Variants in MOBP observed in about 807,000 individuals in gnomAD.
The protein encoded by MOBP is myelin associated oligodendrocyte basic protein.
Under a neutral mutation model 15.0 loss-of-function variants are expected in MOBP, and 5 were observed. That is an observed-to-expected ratio of 0.33 (90% CI 0.17 to 0.70). The LOEUF (loss-of-function observed/expected upper bound fraction) is 0.70. MOBP is among the 30% of genes least tolerant of loss of function. The pLI is 0.67. For synonymous variants in MOBP, 88 were observed against 99.0 expected (o/e 0.89, Z 0.66); for missense variants, 188 against 257.8 (o/e 0.73, Z 1.85).
chr3:39,495,930 T>C (rs1300687016), intron 2 of MOBP, among the ~76,000 whole-genome samples: 1 of 151,680 alleles, frequency 6.6e-6, no homozygotes, highest in Admixed American at 6.6e-5. Context: ...GATACAAATA[T>C]AGAATATAAA....
rs554606983 is a variant in MOBP at position 39,488,353 on chromosome 3, C to A, written c.-5+8230C>A. 2.2e-4 allele frequency among the ~76,000 whole-genome samples: 33 copies of A among 152,280 alleles called. No individual in the cohort carries two copies. The South Asian group carries it at 6.6e-3, about 31-fold the overall frequency. ...CATGTCTAAGATTGAACTCTTGATT[C>A]TTTTCTTCCCCATCCCTAAACCATT... is the stretch of plus-strand genomic sequence containing the variant. On this transcript the variant is annotated intron_variant, in intron 2 of 3. Transcript: ENST00000684792.
intron 1 of MOBP, among the ~76,000 whole-genome samples, chr3:39,478,114 G>A (rs1192846721): frequency 6.6e-6 from 1 of 152,052 alleles, no homozygotes; most frequent in East Asian, 1.9e-4. Flanking sequence ...TAATGTCCTA[G>A]GCCTTCACAT....
chr3:39,478,534 C>A (rs1277084543), intron 1 of MOBP, among the ~76,000 whole-genome samples: 1 of 152,196 alleles, frequency 6.6e-6, no homozygotes, highest in Non-Finnish European at 1.5e-5. Flanking sequence ...TCCACCCTTC[C>A]AGATTCCCAC....
chr3:39,521,306 A>T (rs899749511), intron 3 of MOBP, among the ~76,000 whole-genome samples: 3 of 152,180 alleles, frequency 2.0e-5, no homozygotes, highest in African/African-American at 7.2e-5. Context: ...CTAATTTAGA[A>T]CAATGTTATA....
intron 2 of MOBP, among the ~76,000 whole-genome samples, chr3:39,490,832 G>A (rs2042784149): frequency 1.3e-5 from 2 of 152,150 alleles, no homozygotes; most frequent in African/African-American, 4.8e-5. Context: ...CAAAGTGCTG[G>A]GATTACAGGT....
At chr3:39,505,373 CTA>C (rs1444777995), downstream of MOBP, among the ~76,000 whole-genome samples, 5 of 152,170 alleles carry the variant, frequency 3.3e-5, no homozygotes, top group African/African-American at 9.7e-5. Context: ...GCCTGGAAGA[CTA>C]TGATTTTCCA....
At chr3:39,522,802 A>G (rs1407643645) in intron 3 of MOBP, among the ~76,000 whole-genome samples, 1 of 152,216 alleles carries the variant, frequency 6.6e-6, no homozygotes, top group Non-Finnish European at 1.5e-5. Flanking sequence ...TAAAACTTTC[A>G]GGTTGGTTTT....
At chr3:39,499,622 G>C (rs1251901752) in intron 2 of MOBP, 1 of 157,708 alleles carries the variant, frequency 6.3e-6, no homozygotes, top group Non-Finnish European at 1.4e-5. Flanking sequence ...TAGAATGCCT[G>C]TTTCTTCATG....
At chr3:39,479,005 T>G (rs546961924) in intron 1 of MOBP, among the ~76,000 whole-genome samples, 1 of 152,062 alleles carries the variant, frequency 6.6e-6, no homozygotes, top group Non-Finnish European at 1.5e-5. Flanking sequence ...AATTTTTGTA[T>G]TTTTAGTAGA....
intron 1 of MOBP, among the ~76,000 whole-genome samples, chr3:39,471,631 C>T (rs937685971): frequency 6.6e-6 from 1 of 152,138 alleles, no homozygotes. Flanking sequence ...GTCTCCATTC[C>T]AAGTTCTTTT....
At chr3:39,518,133 T>C (rs1394036783), downstream of MOBP, among the ~76,000 whole-genome samples, 2 of 152,222 alleles carry the variant, frequency 1.3e-5, no homozygotes, top group Admixed American at 6.5e-5. Flanking sequence ...ATATGCACTC[T>C]CTTAAGAGTC....
intron 2 of MOBP, among the ~76,000 whole-genome samples, chr3:39,481,974 A>G (rs918642638): frequency 4.6e-5 from 7 of 152,094 alleles, no homozygotes; most frequent in East Asian, 1.9e-4. Flanking sequence ...CATGGCTTCA[A>G]TTGCTACCTA....
intron 4 of MOBP, among the ~76,000 whole-genome samples, chr3:39,512,285 G>T (rs3821373): frequency 5.9e-5 from 9 of 152,150 alleles, no homozygotes; most frequent in South Asian, 2.1e-4. Context: ...GTGATGCCTG[G>T]GATCTGTGGG....
At chr3:39,504,383 G>A (rs891383762), downstream of MOBP, among the ~76,000 whole-genome samples, 1 of 152,226 alleles carries the variant, frequency 6.6e-6, no homozygotes, top group Admixed American at 6.5e-5. Flanking sequence ...ACATGGAAAG[G>A]AGTTAGAAGA....
intron 1 of MOBP, among the ~76,000 whole-genome samples, chr3:39,468,837 A>G (rs377364717): frequency 2.0e-4 from 17 of 84,710 alleles, no homozygotes; most frequent in African/African-American, 1.2e-3. Context: ...ATATGTGTGT[A>G]TATATACATA....
Position 39,469,190 on chromosome 3 carries a change from G to GTATA in MOBP, c.-89+1453_-89+1456dup, listed in dbSNP as rs1244398173. 6.7e-5 allele frequency among the ~76,000 whole-genome samples: 4 copies of GTATA among 60,100 alleles called. 1 individual carries two copies. The highest frequency in any genetic ancestry group is 3.6e-4 in the African/African-American group (2 of 5,622). 39.4% of individuals were successfully genotyped at this position (60,100 alleles called of 152,430 possible). ...TATACATATATACATGTGTGTGTGT[G>GTATA]TATATACATATATACATGTGTGTGT... On this transcript the variant is annotated intron_variant, in intron 1 of 3. Coordinates refer to ENST00000684792, the MANE Select transcript of MOBP (RefSeq NM_001393704.1).
intron 2 of MOBP, among the ~76,000 whole-genome samples, chr3:39,497,431 TC>T (rs1175585165): frequency 1.3e-5 from 2 of 152,200 alleles, no homozygotes; most frequent in Non-Finnish European, 2.9e-5. Flanking sequence ...CCATCTCTAG[TC>T]CTCTGAAGTC....
At chr3:39,469,882 T>A (rs1415550407) in intron 1 of MOBP, among the ~76,000 whole-genome samples, 1 of 152,196 alleles carries the variant, frequency 6.6e-6, no homozygotes, top group African/African-American at 2.4e-5. Flanking sequence ...TTCCAAGGAA[T>A]CACCAAAAGT....
chr3:39,492,726 T>C (rs1010617998), intron 2 of MOBP, among the ~76,000 whole-genome samples: 2 of 152,200 alleles, frequency 1.3e-5, no homozygotes, highest in Non-Finnish European at 2.9e-5. Flanking sequence ...TGATCATTAT[T>C]TTCCTTTGGA....
Sources: gnomAD v4.1 joint callset for allele counts (sites outside exome capture counted in the v4.1 genomes callset) on GRCh38, gnomAD v4.1.1 for gene constraint, MANE v1.5 for transcripts, NCBI Gene and HGNC (gene_info 2026-07-23, HGNC 2026-07-21) for gene names.